Variants in DENND5B observed in about 807,000 individuals in gnomAD.
DENND5B encodes DENN domain containing 5B.
In DENND5B, 34 loss-of-function variants were observed where a neutral mutation model predicts 140.6. The ratio of observed to expected loss-of-function variants is 0.24; its 90% CI spans 0.18 to 0.32. DENND5B has a LOEUF of 0.32. Among genes scored for constraint, DENND5B ranks in the 10% least tolerant of loss-of-function variants. The pLI, the probability that DENND5B is intolerant of heterozygous loss-of-function variation, is 1.00. For synonymous variants in DENND5B, 551 were observed against 562.1 expected, an observed-to-expected ratio of 0.98 and a Z score of 0.28; for missense variants, 1,142 against 1,560.2, an observed-to-expected ratio of 0.73 and a Z score of 4.52.
intron 1 of DENND5B, among the ~76,000 whole-genome samples, chr12:31,531,807 A>G (rs1319358712): frequency 6.6e-6 from 1 of 152,180 alleles, no homozygotes; most frequent in Non-Finnish European, 1.5e-5. Flanking sequence ...TTATATCTCC[A>G]TTCTACTCAC....
At chr12:31,498,624 G>A (rs1946876252) in intron 1 of DENND5B, among the ~76,000 whole-genome samples, 1 of 152,024 alleles carries the variant, frequency 6.6e-6, no homozygotes, top group African/African-American at 2.4e-5. Context: ...AATATGATTT[G>A]GAAGGATATT....
intron 5 of DENND5B, among the ~76,000 whole-genome samples, chr12:31,449,731 G>GTTTTTTTTGT (rs1944423835): frequency 1.1e-5 from 1 of 89,970 alleles, no homozygotes; most frequent in Admixed American, 1.5e-4. Flanking sequence ...ACACAGATTA[G>GTTTTTTTTGT]TTTTTTTTTT....
intron 3 of DENND5B, 107 bp downstream of exon 3, chr12:31,479,482 A>G: frequency 9.0e-7 from 1 of 1,116,772 alleles, no homozygotes; most frequent in Non-Finnish European, 1.2e-6. Context: ...ACAAAACAGA[A>G]AAGACTGTGA....
intron 1 of DENND5B, among the ~76,000 whole-genome samples, chr12:31,558,107 G>C (rs1949358150): frequency 6.6e-6 from 1 of 152,138 alleles, no homozygotes. Context: ...AGTCTTAGGA[G>C]TTCACTACCT....
intron 3 of DENND5B, among the ~76,000 whole-genome samples, chr12:31,469,116 C>T (rs1945419907): frequency 6.6e-6 from 1 of 152,040 alleles, no homozygotes; most frequent in African/African-American, 2.4e-5. Context: ...AGGTGGATCA[C>T]TGGAGGTCAG....
chr12:31,448,783 G>A (rs987255046), intron 5 of DENND5B, among the ~76,000 whole-genome samples: 1 of 152,280 alleles, frequency 6.6e-6, no homozygotes. Flanking sequence ...GGCTGAAGCC[G>A]GAGGATCCTG....
intron 5 of DENND5B, among the ~76,000 whole-genome samples, chr12:31,450,405 G>C (rs1944462745): frequency 6.6e-6 from 1 of 152,152 alleles, no homozygotes; most frequent in Non-Finnish European, 1.5e-5. Flanking sequence ...GCTAGCCCAA[G>C]CTGGAGTGCA....
chr12:31,539,142 T>C (rs1177175339), intron 1 of DENND5B, among the ~76,000 whole-genome samples: 1 of 151,504 alleles, frequency 6.6e-6, no homozygotes, highest in African/African-American at 2.4e-5. Flanking sequence ...CTAGAGAAAA[T>C]GGATAAATTC....
At chr12:31,514,438 A>C (rs972592179) in intron 1 of DENND5B, among the ~76,000 whole-genome samples, 2 of 152,220 alleles carry the variant, frequency 1.3e-5, no homozygotes, top group Non-Finnish European at 2.9e-5. Context: ...GAACACAGGA[A>C]TACTACTGAC....
At chr12:31,432,043 C>A in intron 8 of DENND5B, 1 of 984,838 alleles carries the variant, frequency 1.0e-6, no homozygotes, top group Non-Finnish European at 1.2e-6. Context: ...AAGAACATAC[C>A]AGGCAGCACT....
At chr12:31,494,218 A>C (rs1315117339) in intron 2 of DENND5B, among the ~76,000 whole-genome samples, 8 of 64,410 alleles carry the variant, frequency 1.2e-4, no homozygotes, top group South Asian at 4.7e-4. Context: ...CTACCTACCT[A>C]CCTCTACCTA....
In DENND5B at chr12:31,415,398, T is replaced by C. The variant is rs1276436520; in HGVS notation, c.2521A>G (p.Thr841Ala). The C allele has an allele frequency of 1.9e-6, 3 of 1,610,826 alleles. No homozygotes were observed. The highest frequency in any genetic ancestry group is 1.7e-4 in the Middle Eastern group (1 of 6,056). ...TCCTGAATAAGAGAGACCCTGAGCG[T>C]TGGCAACATAACTCCTGAGTCAGAT... ...RKSDSGVMLP[T>A]LRVSLIQDMR... The change falls in exon 12 of 21, where the codon ACG (threonine) becomes GCG (alanine). Residue 841 changes from threonine to alanine, a missense_variant. Physicochemically the swap from Thr to Ala is moderately conservative, Grantham distance 58 (BLOSUM62 0). Around this residue, in one of 5 missense-constraint regions of DENND5B, gnomAD observed 268 missense variants for 349.2 expected, o/e 0.77. Transcript: ENST00000389082.
intron 1 of DENND5B, among the ~76,000 whole-genome samples, chr12:31,579,939 C>T (rs192860458): frequency 2.7e-4 from 40 of 150,828 alleles, no homozygotes; most frequent in African/African-American, 9.2e-4. Context: ...TTGTAAAGCA[C>T]AATAGGAGAG....
At chr12:31,547,759 G>A (rs1310409378) in intron 1 of DENND5B, among the ~76,000 whole-genome samples, 1 of 151,922 alleles carries the variant, frequency 6.6e-6, no homozygotes, top group African/African-American at 2.4e-5. Flanking sequence ...AGGCTGGAGT[G>A]CAATGGTGCG....
intron 5 of DENND5B, chr12:31,451,574 C>T (rs879788101): frequency 8.3e-6 from 2 of 240,382 alleles, no homozygotes; most frequent in Non-Finnish European, 1.6e-5. Context: ...CCGTCCGCCT[C>T]GGCCTCCCAA....
At chr12:31,473,649 G>A (rs1945659014) in intron 3 of DENND5B, among the ~76,000 whole-genome samples, 1 of 152,174 alleles carries the variant, frequency 6.6e-6, no homozygotes, top group South Asian at 2.1e-4. Flanking sequence ...TTCCATTTCA[G>A]AGGCAACTAC....
intron 3 of DENND5B, among the ~76,000 whole-genome samples, chr12:31,462,998 A>C (rs951951690): frequency 6.6e-6 from 1 of 151,956 alleles, no homozygotes; most frequent in African/African-American, 2.4e-5. Flanking sequence ...ACAGTGGCTC[A>C]AGACCTGCAA....
At chr12:31,494,509 C>T (rs1465375167) in intron 2 of DENND5B, among the ~76,000 whole-genome samples, 3 of 152,132 alleles carry the variant, frequency 2.0e-5, no homozygotes, top group Non-Finnish European at 2.9e-5. Flanking sequence ...CTTTCCATGC[C>T]CAAGTAGCAA....
intron 4 of DENND5B, among the ~76,000 whole-genome samples, chr12:31,459,407 A>G (rs1438772669): frequency 6.6e-6 from 1 of 152,078 alleles, no homozygotes; most frequent in Non-Finnish European, 1.5e-5. Flanking sequence ...CTCCTGCCTC[A>G]GCCTTCCAAG....
Sources: gnomAD v4.1 joint callset for allele counts (sites outside exome capture counted in the v4.1 genomes callset) on GRCh38, gnomAD v4.1.1 for gene constraint, gnomAD v4.1.1 regional missense constraint, MANE v1.5 for transcripts, NCBI Gene and HGNC (gene_info 2026-07-23, HGNC 2026-07-21) for gene names.